Variants in SPMAP1 observed in about 807,000 individuals in gnomAD.
The protein encoded by SPMAP1 is sperm microtubule associated protein 1.
At chr17:38,837,303 G>C in the SPMAP1 span, 21 of 1,100,294 alleles carry the variant, frequency 1.9e-5, no homozygotes, top group African/African-American at 2.9e-4. Flanking sequence ...GGGGGACACA[G>C]TGCAAACTGC....
At chr17:38,835,371 T>C in the SPMAP1 span, 1 of 1,612,276 alleles carries the variant, frequency 6.2e-7, no homozygotes, top group Non-Finnish European at 8.5e-7. Context: ...GAGAGAGGCC[T>C]GAGCCTGCAT....
chr17:38,837,554 T>G, the SPMAP1 span, among the ~76,000 whole-genome samples: 1 of 151,762 alleles, frequency 6.6e-6, no homozygotes. Context: ...GGCAGGCGCC[T>G]GTAATCCCAG....
the SPMAP1 span, among the ~76,000 whole-genome samples, chr17:38,837,688 A>G: frequency 6.6e-6 from 1 of 151,642 alleles, no homozygotes. Flanking sequence ...AAAAAAAAAA[A>G]AAAAGAAAAA....
chr17:38,835,243 G>C, the SPMAP1 span: 1 of 1,614,238 alleles, frequency 6.2e-7, no homozygotes, highest in African/African-American at 1.3e-5. Context: ...TCTGACGGAG[G>C]GCTGGAGTGT....
At chr17:38,837,333 A>C in the SPMAP1 span, 3 of 842,464 alleles carry the variant, frequency 3.6e-6, no homozygotes, top group Non-Finnish European at 6.2e-6. Context: ...TGCTGTGGGG[A>C]TAGGGAAGAG....
the SPMAP1 span, chr17:38,835,198 A>G: frequency 1.2e-5 from 19 of 1,614,046 alleles, no homozygotes; most frequent in East Asian, 2.2e-5. Context: ...GTTAGAACAG[A>G]GGGAAGTGGG....
At chr17:38,839,212 G>A in the SPMAP1 span, among the ~76,000 whole-genome samples, 1 of 150,596 alleles carries the variant, frequency 6.6e-6, no homozygotes, top group Admixed American at 6.7e-5. Context: ...TCCTTCTGTC[G>A]TAAAATTACG....
the SPMAP1 span, chr17:38,835,213 C>G: frequency 6.2e-7 from 1 of 1,614,170 alleles, no homozygotes; most frequent in Non-Finnish European, 8.5e-7. Flanking sequence ...AGTGGGTGAC[C>G]TCTCCGAAGA....
chr17:38,840,076 A>T, the SPMAP1 span, among the ~76,000 whole-genome samples: 1 of 152,100 alleles, frequency 6.6e-6, no homozygotes, highest in Non-Finnish European at 1.5e-5. Context: ...GGGTTGGTGG[A>T]GGAGAACTCT....
the SPMAP1 span, among the ~76,000 whole-genome samples, chr17:38,838,249 T>A: frequency 6.6e-6 from 1 of 152,158 alleles, no homozygotes; most frequent in East Asian, 1.9e-4. Context: ...ATAAATGTTA[T>A]CTTTATTTAA....
the SPMAP1 span, among the ~76,000 whole-genome samples, chr17:38,839,201 T>G: frequency 6.6e-6 from 1 of 151,478 alleles, no homozygotes; most frequent in African/African-American, 2.4e-5. Context: ...CAGACTCTGG[T>G]TCCTTCTGTC....
chr17:38,841,050 A>C, the SPMAP1 span: 1 of 614,354 alleles, frequency 1.6e-6, no homozygotes. Flanking sequence ...TCAAAATAAT[A>C]ATAATAAATA....
chr17:38,836,104 C>T, the SPMAP1 span, among the ~76,000 whole-genome samples: 44 of 151,890 alleles, frequency 2.9e-4, no homozygotes, highest in East Asian at 2.9e-3. Context: ...TTAGTAGAGA[C>T]GGGGTTTCAC....
the SPMAP1 span, among the ~76,000 whole-genome samples, chr17:38,836,398 C>T: frequency 6.6e-6 from 1 of 151,914 alleles, no homozygotes; most frequent in Non-Finnish European, 1.5e-5. Context: ...CCTAGGAGTT[C>T]AAGACCAGCG....
chr17:38,836,590 T>C, the SPMAP1 span, among the ~76,000 whole-genome samples: 211 of 130,242 alleles, frequency 1.6e-3, no homozygotes, highest in Non-Finnish European at 2.2e-3. Context: ...TCTTTCTTTT[T>C]TTTTTTTTTT....
chr17:38,838,087 T>C, the SPMAP1 span, among the ~76,000 whole-genome samples: 1 of 152,074 alleles, frequency 6.6e-6, no homozygotes, highest in South Asian at 2.1e-4. Flanking sequence ...GTTCACATAT[T>C]GGCCAGGCTG....
chr17:38,835,811 A>G, the SPMAP1 span, among the ~76,000 whole-genome samples: 1 of 152,154 alleles, frequency 6.6e-6, no homozygotes, highest in Non-Finnish European at 1.5e-5. Flanking sequence ...TGTTAGAAAA[A>G]TATCTCTCAA....
chr17:38,840,030 A>C, the SPMAP1 span, among the ~76,000 whole-genome samples: 2 of 152,132 alleles, frequency 1.3e-5, no homozygotes, highest in Non-Finnish European at 2.9e-5. Flanking sequence ...GAAAAATTGA[A>C]CCATCAGCAA....
At chr17:38,838,717 T>C in the SPMAP1 span, among the ~76,000 whole-genome samples, 2 of 152,150 alleles carry the variant, frequency 1.3e-5, no homozygotes, top group Non-Finnish European at 2.9e-5. Flanking sequence ...AGTTCAAGGC[T>C]GCAGTGAGCT....
Sources: allele counts gnomAD v4.1 joint callset (sites outside exome capture counted in the v4.1 genomes callset), GRCh38; gene constraint gnomAD v4.1.1; transcripts MANE v1.5; gene names NCBI Gene and HGNC (gene_info 2026-07-23, HGNC 2026-07-21).